The following LRRC28 variants were observed in gnomAD, a reference collection of about 807,000 sequenced individuals.
LRRC28 encodes the protein leucine-rich repeat-containing protein 28.
In LRRC28, 39 loss-of-function variants were observed where a neutral mutation model predicts 45.7. The ratio of observed to expected loss-of-function variants is 0.85; its 90% CI spans 0.66 to 1.12. The LOEUF is 1.12. LRRC28 is among the 50% of genes most tolerant of loss of function. The probability of loss-of-function intolerance (pLI) is 0.00; values close to 1 mark genes in which losing one functional copy is unlikely to be tolerated. For synonymous variants in LRRC28, 206 were observed against 178.8 expected (o/e 1.15, Z -1.22); for missense variants, 435 against 438.5 (o/e 0.99, Z 0.07).
At chr15:99,371,949 AT>A (rs1257569509) in intron 9 of LRRC28, among the ~76,000 whole-genome samples, 6 of 152,218 alleles carry the variant, frequency 3.9e-5, no homozygotes, top group Non-Finnish European at 8.8e-5. Context: ...TCTGCTTGAC[AT>A]TTCTGTTTCT....
chr15:99,366,034 A>G (rs771864680), intron 9 of LRRC28, among the ~76,000 whole-genome samples: 1 of 152,236 alleles, frequency 6.6e-6, no homozygotes, highest in Non-Finnish European at 1.5e-5. Flanking sequence ...GGGTCTTACA[A>G]GTTCCATATT....
intron 2 of LRRC28, chr15:99,257,906 A>G: frequency 1.3e-6 from 1 of 769,700 alleles, no homozygotes; most frequent in East Asian, 2.5e-5. Flanking sequence ...TCATCAATTC[A>G]TTGTATGAAA....
intron 9 of LRRC28, among the ~76,000 whole-genome samples, chr15:99,374,101 A>G (rs1957558036): frequency 6.6e-6 from 1 of 151,986 alleles, no homozygotes; most frequent in African/African-American, 2.4e-5. Flanking sequence ...TTTTCCACTG[A>G]TTTTTAGAAT....
intron 2 of LRRC28, chr15:99,257,896 T>C (rs1460046519): frequency 1.0e-5 from 8 of 770,504 alleles, no homozygotes; most frequent in South Asian, 4.1e-5. Flanking sequence ...ATGAAACTTA[T>C]CATCAATTCA....
At chr15:99,301,432 C>T (rs1008562518) in intron 5 of LRRC28, among the ~76,000 whole-genome samples, 15 of 152,096 alleles carry the variant, frequency 9.9e-5, no homozygotes, top group Admixed American at 9.8e-4. Flanking sequence ...TTATGATATC[C>T]TGTGAAATTG....
At chr15:99,286,574 A>G (rs2152207750) in intron 3 of LRRC28, 1 of 152,324 alleles carries the variant, frequency 6.6e-6, no homozygotes, top group Non-Finnish European at 1.5e-5. Context: ...TTTGCTCTGA[A>G]TAGTTGGTTA....
chr15:99,283,480 G>T (rs1333664842), intron 3 of LRRC28, among the ~76,000 whole-genome samples: 3 of 151,544 alleles, frequency 2.0e-5, no homozygotes, highest in Non-Finnish European at 4.4e-5. Flanking sequence ...GCCGGGTGTG[G>T]TGGTGCGCAC....
chr15:99,352,431 T>A lies in LRRC28; in HGVS notation c.655T>A (p.Leu219Met). 2.5e-6 allele frequency: 4 copies of A among 1,614,106 alleles called. No individual in the cohort carries two copies. Among genetic ancestry groups the A allele is most frequent in the Non-Finnish European group, 3.4e-6 (4 of 1,180,002 alleles). Residue 219 changes from leucine to methionine, a missense_variant, in exon 7 of 10, where the codon TTG (leucine) becomes ATG (methionine). Coordinates refer to ENST00000301981, the MANE Select transcript of LRRC28 (RefSeq NM_144598.5). ...YVDNNIHLKG[L>M]PSYLYNKVIG... Reference sequence around the variant, plus strand: ...GGATAACAACATTCACCTGAAAGGCTTGCCATCTTATCTGTACAATAAAGT... The same window carrying A: ...GGATAACAACATTCACCTGAAAGGCATGCCATCTTATCTGTACAATAAAGT...
chr15:99,281,011 T>C (rs951212878), intron 3 of LRRC28, among the ~76,000 whole-genome samples: 3 of 151,714 alleles, frequency 2.0e-5, no homozygotes, highest in African/African-American at 7.3e-5. Context: ...CTCAGTGAAG[T>C]TTTCTCTTTG....
chr15:99,377,704 T>A (rs539631731), intron 9 of LRRC28, among the ~76,000 whole-genome samples: 203 of 152,302 alleles, frequency 1.3e-3, no homozygotes, highest in Non-Finnish European at 2.1e-3. Flanking sequence ...TAATCCATCT[T>A]GAATTAATTT....
At chr15:99,307,309 AGTT>A (rs1955221871) in intron 5 of LRRC28, among the ~76,000 whole-genome samples, 1 of 152,242 alleles carries the variant, frequency 6.6e-6, no homozygotes, top group Admixed American at 6.5e-5. Flanking sequence ...TATAAACTGA[AGTT>A]GTCAAATCCC....
chr15:99,259,861 T>G (rs1488961467), intron 2 of LRRC28: 2 of 794,746 alleles, frequency 2.5e-6, no homozygotes, highest in African/African-American at 3.4e-5. Context: ...TTGCCTCAGT[T>G]TGAACACATC....
At chr15:99,293,467 C>A (rs1290811147) in intron 5 of LRRC28, among the ~76,000 whole-genome samples, 1 of 151,634 alleles carries the variant, frequency 6.6e-6, no homozygotes, top group Non-Finnish European at 1.5e-5. Flanking sequence ...GTGGCGCATG[C>A]CTGTAATCCC....
chr15:99,350,582 A>G (rs753055166), intron 6 of LRRC28, among the ~76,000 whole-genome samples: 1 of 152,122 alleles, frequency 6.6e-6, no homozygotes, highest in Non-Finnish European at 1.5e-5. Flanking sequence ...CTACATTTCC[A>G]AGGCCTAGCA....
At chr15:99,369,367 T>C (rs564668320) in intron 9 of LRRC28, among the ~76,000 whole-genome samples, 1 of 152,262 alleles carries the variant, frequency 6.6e-6, no homozygotes, top group Non-Finnish European at 1.5e-5. Context: ...TAGCAAAATT[T>C]CTCACATTGA....
intron 2 of LRRC28, chr15:99,259,124 A>G: frequency 2.3e-6 from 3 of 1,327,118 alleles, no homozygotes; most frequent in Non-Finnish European, 3.3e-6. Flanking sequence ...CTCGAATCGA[A>G]CATGTCTTGC....
rs573232152 is a variant in LRRC28 at position 99,387,108 on chromosome 15, T to A, written c.*1006T>A. The A allele has an allele frequency of 1.3e-5, 2 of 151,678 alleles. No individual in the cohort carries two copies. The highest frequency in any genetic ancestry group is 6.6e-5 in the Admixed American group (1 of 15,226). 9.4% of individuals were successfully genotyped at this position (151,678 alleles called of 1,614,324 possible). The stretch of plus-strand genomic sequence containing the variant: ...CGGAGTCTCGCTCTGTCGCCCAGGC[T>A]GGAGTGCAGTGGCGGGATCTCGGCT... On this transcript the variant is annotated 3_prime_UTR_variant, in exon 10 of 10. Transcript: ENST00000301981.
chr15:99,324,815 A>AG (rs1955918118), intron 5 of LRRC28, among the ~76,000 whole-genome samples: 1 of 152,200 alleles, frequency 6.6e-6, no homozygotes, highest in South Asian at 2.1e-4. Flanking sequence ...CTCCCAGGGA[A>AG]GGGGTAGAAA....
rs529313805 is a variant in LRRC28, at chr15:99,377,391, C to A, written c.1032-8639C>A. Among the ~76,000 whole-genome samples, 3 of 150,258 alleles carry A rather than the reference C, an allele frequency of 2.0e-5. No homozygotes were observed. In the South Asian group the frequency reaches 6.3e-4, roughly 31 times the overall value. On this transcript the variant is annotated intron_variant, in intron 9 of 9. Transcript: ENST00000301981. ...ATCCTTTGCCCACTTTTTGATGGGTCTGTTTTTTCCTTGTAAATTTGTTTG... is the reference window on the plus strand; with the variant it reads ...ATCCTTTGCCCACTTTTTGATGGGTATGTTTTTTCCTTGTAAATTTGTTTG...
Sources: allele counts gnomAD v4.1 joint callset (sites outside exome capture counted in the v4.1 genomes callset), GRCh38; gene constraint gnomAD v4.1.1; transcripts MANE v1.5; gene names NCBI Gene and HGNC (gene_info 2026-07-23, HGNC 2026-07-21).